The following RBM39 variants were observed in gnomAD, a reference collection of about 807,000 sequenced individuals.
RBM39 encodes RNA-binding protein 39.
A neutral mutation model predicts 79.6 loss-of-function variants in RBM39; 12 were observed. That is an observed-to-expected ratio of 0.15 (90% confidence interval 0.10 to 0.24). The LOEUF (loss-of-function observed/expected upper bound fraction) is 0.24, where lower values mean the gene tolerates loss of function less well. Among genes scored for constraint, RBM39 ranks in the 10% least tolerant of loss-of-function variants. The probability of loss-of-function intolerance (pLI) is 1.00; values close to 1 mark genes in which losing one functional copy is unlikely to be tolerated. For synonymous variants in RBM39, 185 were observed against 208.4 expected (o/e 0.89, Z 0.97); for missense variants, 243 against 653.4 (o/e 0.37, Z 6.85).
chr20:35,705,458 G>A, intron 14 of RBM39, 128 bp from the exon 15 acceptor site: 2 of 594,740 alleles, frequency 3.4e-6, no homozygotes, highest in South Asian at 4.5e-5. Context: ...CACATTGACA[G>A]AACGTCTCTG....
Position 35,705,264 on chromosome 20 carries a change from T to C in RBM39, c.1374A>G (p.Gly458=), listed in dbSNP as rs762226216. 5.1e-6 allele frequency: 8 copies of C among 1,576,424 alleles called. No homozygotes were observed. The Admixed American group carries it at 1.7e-4, about 34-fold the overall frequency. The change falls in exon 15 of 17, where the codon GGA becomes GGG. Residue 458 remains glycine (G), a synonymous_variant. Transcript: ENST00000253363. ...TGTCAACATAAATATGAATAACTCC[T>C]CCATGTTTATTACATTCTTCAATCA... is the stretch of plus-strand genomic sequence containing the variant. ...DDVIEECNKH[G]GVIHIYVDKN...
At chr20:35,704,800 C>A in intron 15 of RBM39, 54 bp from the exon 16 acceptor site, 1 of 1,501,476 alleles carries the variant, frequency 6.7e-7, no homozygotes, top group South Asian at 1.2e-5. Flanking sequence ...AAAATGGACC[C>A]AAGTTATGTT....
chr20:35,707,975 A>G, intron 13 of RBM39: 2 of 445,592 alleles, frequency 4.5e-6, no homozygotes, highest in Non-Finnish European at 9.2e-6. Flanking sequence ...TCATTCCAAA[A>G]CATAATAACA....
At chr20:35,708,501 A>G (rs2036021324) in intron 13 of RBM39, among the ~76,000 whole-genome samples, 2 of 152,148 alleles carry the variant, frequency 1.3e-5, no homozygotes, top group South Asian at 4.1e-4. Flanking sequence ...TCTTAACAAA[A>G]CAGCACTGAT....
intron 10 of RBM39, among the ~76,000 whole-genome samples, chr20:35,716,052 A>ATATT (rs774762739): frequency 2.6e-5 from 4 of 152,114 alleles, no homozygotes; most frequent in South Asian, 2.1e-4. Context: ...AAATTATTTT[A>ATATT]TATTTATTTA....
At chr20:35,726,635 A>G (rs1215277315) in intron 6 of RBM39, among the ~76,000 whole-genome samples, 1 of 152,200 alleles carries the variant, frequency 6.6e-6, no homozygotes, top group Non-Finnish European at 1.5e-5. Context: ...TGAAACCCCA[A>G]ATGATTCTAC....
intron 9 of RBM39, chr20:35,720,064 G>A (rs1344758278): frequency 5.1e-6 from 1 of 194,650 alleles, no homozygotes; most frequent in Non-Finnish European, 1.1e-5. Context: ...TGGGATTACA[G>A]GTGTGAGCCA....
At chr20:35,736,039 A>T (rs1245934340) in intron 3 of RBM39, among the ~76,000 whole-genome samples, 1 of 152,224 alleles carries the variant, frequency 6.6e-6, no homozygotes, top group Non-Finnish European at 1.5e-5. Context: ...TACAGTAACG[A>T]AGGTCTGTAC....
At chr20:35,735,048 TG>T in intron 3 of RBM39, 2 of 1,576,970 alleles carry the variant, frequency 1.3e-6, no homozygotes, top group African/African-American at 1.4e-5. Context: ...ACCTCTTCCA[TG>T]TAAGAAGATC....
At chr20:35,737,848 CAAAAAAA>C (rs35300439) in intron 3 of RBM39, among the ~76,000 whole-genome samples, 43 of 40,438 alleles carry the variant, frequency 1.1e-3, no homozygotes, top group African/African-American at 2.1e-3. Flanking sequence ...GACTCCGTGT[CAAAAAAA>C]AAAAAAAAAA....
intron 9 of RBM39, among the ~76,000 whole-genome samples, chr20:35,718,728 G>A (rs912198207): frequency 6.8e-6 from 1 of 148,088 alleles, no homozygotes; most frequent in African/African-American, 2.5e-5. Flanking sequence ...CAGGAGAATC[G>A]CTTGAACCTG....
At chr20:35,738,910 A>G in intron 3 of RBM39, 58 bp downstream of exon 3, 1 of 1,425,880 alleles carries the variant, frequency 7.0e-7, no homozygotes, top group Non-Finnish European at 9.8e-7. Flanking sequence ...ACACAACTTA[A>G]GGTCTAAAAC....
rs144423183 is a variant in RBM39 at position 35,712,723 on chromosome 20, A to G, written c.1174+296T>C. Among the ~76,000 whole-genome samples, 1,386 of 152,206 alleles carry G rather than the reference A, an allele frequency of 9.1e-3. 23 individuals are homozygous for G. Among genetic ancestry groups the G allele is most frequent in the African/African-American group, 0.032 (1,328 of 41,530 alleles). The stretch of plus-strand genomic sequence containing the variant: ...TAATATTATAAATATTTTTTCGATC[A>G]AACAATATACACCTTGTAGTATTCA... On this transcript the variant is annotated intron_variant, in intron 12 of 16. Transcript: ENST00000253363.
At chr20:35,711,795 T>C (rs1013150586) in intron 12 of RBM39, among the ~76,000 whole-genome samples, 17 of 152,226 alleles carry the variant, frequency 1.1e-4, no homozygotes, top group Admixed American at 9.8e-4. Flanking sequence ...GATGTGGTAC[T>C]ACCAGGGTCT....
intron 2 of RBM39, chr20:35,739,271 ATAGTT>A (rs1308151946): frequency 1.0e-5 from 5 of 497,476 alleles, no homozygotes; most frequent in Non-Finnish European, 1.8e-5. Context: ...ACTTTCTTAT[ATAGTT>A]TAGATATTAA....
rs2035847440 is a variant in RBM39 at position 35,707,137 on chromosome 20, G to A, written c.1290C>T (p.Asn430=). 1.3e-6 allele frequency: 2 copies of A among 1,593,728 alleles called. No homozygotes were observed. Among genetic ancestry groups the A allele is most frequent in the Non-Finnish European group, 1.7e-6 (2 of 1,164,988 alleles). The part of the protein sequence containing the change: ...PLATQCFQLS[N]MFNPQTEEEV... ...TTACTTACGTTTGAGGGTTAAACAT[G>A]TTAGAGAGTTGGAAACATTGTGTTG... Residue 430 remains asparagine, a synonymous_variant, in exon 14 of 17, where the codon AAC becomes AAT. Coordinates refer to ENST00000253363, the MANE Select transcript of RBM39 (RefSeq NM_184234.3).
In RBM39 at chr20:35,729,539, A is replaced by G. The variant is rs772980201; in HGVS notation, c.297-12T>C. 2.5e-6 allele frequency: 4 copies of G among 1,611,214 alleles called. No homozygotes were observed. The South Asian group carries it at 4.4e-5, about 18-fold the overall frequency. ...ATTTTGGTCCGGAGCTAAAAAGGAA[A>G]CACAAAATTACACTAGTTACAGGTT... On this transcript the variant is annotated splice_polypyrimidine_tract_variant and intron_variant, in intron 4 of 16. Coordinates refer to ENST00000253363, the MANE Select transcript of RBM39 (RefSeq NM_184234.3).
intron 10 of RBM39, among the ~76,000 whole-genome samples, 154 bp downstream of exon 10, chr20:35,716,586 G>T (rs890723044): frequency 2.0e-5 from 3 of 151,680 alleles, no homozygotes; most frequent in African/African-American, 7.3e-5. Flanking sequence ...TTTTTTGATC[G>T]GACACAGAGG....
At chr20:35,717,205 G>A (rs1355739354) in intron 9 of RBM39, among the ~76,000 whole-genome samples, 1 of 151,778 alleles carries the variant, frequency 6.6e-6, no homozygotes, top group Non-Finnish European at 1.5e-5. Flanking sequence ...GCTTGAACCC[G>A]GGAGGCAGAG....
Sources: gnomAD v4.1 joint callset for allele counts (sites outside exome capture counted in the v4.1 genomes callset) on GRCh38, gnomAD v4.1.1 for gene constraint, MANE v1.5 for transcripts, NCBI Gene and HGNC (gene_info 2026-07-23, HGNC 2026-07-21) for gene names.